SPAG16: variants seen among roughly 807,000 people sequenced by gnomAD.
SPAG16 encodes the protein sperm associated antigen 16.
SPAG16 carries 86 observed loss-of-function variants against 80.4 expected under a neutral mutation model. The ratio of observed to expected loss-of-function variants is 1.07; its 90% CI spans 0.90 to 1.28. The LOEUF is 1.28. Among genes scored for constraint, SPAG16 ranks in the 50% most tolerant of loss-of-function variants. The probability of loss-of-function intolerance (pLI) is 0.00; values close to 1 mark genes in which losing one functional copy is unlikely to be tolerated. For missense variants in SPAG16, 870 were observed against 765.3 expected (o/e 1.14, Z -1.61); for synonymous variants, 294 against 265.9 (o/e 1.11, Z -1.03).
chr2:213,675,818 A>G (rs369842647), intron 10 of SPAG16, among the ~76,000 whole-genome samples: 28 of 151,468 alleles, frequency 1.8e-4, no homozygotes, highest in Admixed American at 2.6e-4. Context: ...GTCAGGTAGC[A>G]TGATGCCTCC....
intron 15 of SPAG16, among the ~76,000 whole-genome samples, chr2:214,217,823 G>A (rs2058469645): frequency 6.6e-6 from 1 of 152,162 alleles, no homozygotes; most frequent in Non-Finnish European, 1.5e-5. Context: ...AGCTTCCCTG[G>A]GAGTGGCTCA....
At chr2:214,326,753 G>A (rs1696514729) in intron 15 of SPAG16, among the ~76,000 whole-genome samples, 1 of 152,034 alleles carries the variant, frequency 6.6e-6, no homozygotes, top group South Asian at 2.1e-4. Context: ...AGGCCATCCT[G>A]GCTAACACGG....
chr2:213,651,585 A>T (rs560778695), intron 10 of SPAG16, among the ~76,000 whole-genome samples: 56 of 152,228 alleles, frequency 3.7e-4, no homozygotes, highest in Non-Finnish European at 5.6e-4. Context: ...TGACTGTCTC[A>T]ATCTCTTTCC....
At chr2:213,322,354 AAAC>A (rs532310051) in intron 5 of SPAG16, among the ~76,000 whole-genome samples, 22,451 of 93,662 alleles carry the variant, frequency 0.24, 4,393 homozygotes, top group Non-Finnish European at 0.28. Context: ...AAAAAAAAAA[AAAC>A]AAAAAACTCG....
At chr2:213,836,204 A>G in intron 10 of SPAG16, among the ~76,000 whole-genome samples, 1 of 133,830 alleles carries the variant, frequency 7.5e-6, no homozygotes, top group African/African-American at 2.7e-5. Flanking sequence ...TATGTCTGAG[A>G]GAATAAAAAC....
intron 15 of SPAG16, among the ~76,000 whole-genome samples, chr2:214,248,242 C>T (rs1689990466): frequency 6.6e-6 from 1 of 150,794 alleles, no homozygotes; most frequent in Non-Finnish European, 1.5e-5. Flanking sequence ...TTATTCACTC[C>T]AGAAATATTT....
intron 15 of SPAG16, among the ~76,000 whole-genome samples, chr2:214,398,907 TC>T (rs1175004966): frequency 6.6e-6 from 1 of 152,222 alleles, no homozygotes; most frequent in Non-Finnish European, 1.5e-5. Context: ...TCAATATCTT[TC>T]TCTGTAAAAT....
intron 15 of SPAG16, among the ~76,000 whole-genome samples, chr2:214,157,455 T>C (rs2056265093): frequency 6.6e-6 from 1 of 152,128 alleles, no homozygotes; most frequent in Admixed American, 6.6e-5. Context: ...TCCCCTAGGC[T>C]AGAAGCAATT....
intron 3 of SPAG16, among the ~76,000 whole-genome samples, chr2:213,305,852 C>G (rs1441261978): frequency 1.1e-4 from 16 of 152,062 alleles, no homozygotes. Context: ...GTAATACTGG[C>G]CTCATAGAAT....
chr2:213,715,322 G>T (rs2066193776), intron 10 of SPAG16, among the ~76,000 whole-genome samples: 1 of 151,894 alleles, frequency 6.6e-6, no homozygotes, highest in African/African-American at 2.4e-5. Flanking sequence ...ATATGGAGGT[G>T]AGAAAACATT....
chr2:214,066,749 A>T (rs1395753514), intron 13 of SPAG16, among the ~76,000 whole-genome samples: 1 of 152,190 alleles, frequency 6.6e-6, no homozygotes, highest in Non-Finnish European at 1.5e-5. Context: ...TTCTCCATAT[A>T]ATGGAAAAGG....
intron 15 of SPAG16, among the ~76,000 whole-genome samples, chr2:214,223,059 T>C (rs1313900581): frequency 6.6e-6 from 1 of 152,228 alleles, no homozygotes; most frequent in African/African-American, 2.4e-5. Flanking sequence ...TTTCTTAATA[T>C]GAAATATATT....
intron 15 of SPAG16, among the ~76,000 whole-genome samples, chr2:214,361,136 C>A (rs181591533): frequency 1.3e-5 from 2 of 151,898 alleles, no homozygotes; most frequent in Non-Finnish European, 2.9e-5. Context: ...CAGAGAAAGC[C>A]TTTTCACTGC....
At chr2:213,878,360 A>G (rs1440764785) in intron 11 of SPAG16, among the ~76,000 whole-genome samples, 7 of 152,154 alleles carry the variant, frequency 4.6e-5, no homozygotes, top group Non-Finnish European at 8.8e-5. Context: ...ACTTTTAAAT[A>G]ACAGACCTTC....
intron 11 of SPAG16, among the ~76,000 whole-genome samples, chr2:213,887,664 G>A (rs1174126214): frequency 1.3e-5 from 2 of 151,140 alleles, no homozygotes; most frequent in South Asian, 2.1e-4. Context: ...GCAAAATATT[G>A]TAAAATAATA....
At chr2:214,261,758 A>G (rs1691197206) in intron 15 of SPAG16, among the ~76,000 whole-genome samples, 1 of 152,190 alleles carries the variant, frequency 6.6e-6, no homozygotes, top group African/African-American at 2.4e-5. Flanking sequence ...ATATGTATAT[A>G]CCTGTATAAT....
chr2:214,238,940 T>C (rs1466931006), intron 15 of SPAG16: 1 of 152,186 alleles, frequency 6.6e-6, no homozygotes, highest in Non-Finnish European at 1.5e-5. Flanking sequence ...AAATCTAACT[T>C]TGAGGACTTC....
intron 13 of SPAG16, among the ~76,000 whole-genome samples, chr2:214,025,926 G>A (rs1277224400): frequency 6.6e-6 from 1 of 151,358 alleles, no homozygotes; most frequent in Admixed American, 6.6e-5. Context: ...TTCTGTAAAA[G>A]ATTTACTAAG....
At chr2:213,291,753 T>C (rs565085553) in intron 1 of SPAG16, among the ~76,000 whole-genome samples, 48 of 152,342 alleles carry the variant, frequency 3.2e-4, no homozygotes, top group Admixed American at 1.6e-3. Context: ...ATTTATGGCA[T>C]TTGTATCTCA....
Sources: gnomAD v4.1 joint callset for allele counts (sites outside exome capture counted in the v4.1 genomes callset) on GRCh38, gnomAD v4.1.1 for gene constraint, MANE v1.5 for transcripts, NCBI Gene and HGNC (gene_info 2026-07-23, HGNC 2026-07-21) for gene names.